CKAP5: variants seen among roughly 807,000 people sequenced by gnomAD.
CKAP5 encodes cytoskeleton associated protein 5.
In CKAP5, 27 loss-of-function variants were observed where a neutral mutation model predicts 232.8. The ratio of observed to expected loss-of-function variants is 0.12; its 90% CI spans 0.09 to 0.16. CKAP5 has a LOEUF of 0.16. Among genes scored for constraint, CKAP5 ranks in the 10% least tolerant of loss-of-function variants. CKAP5 has a pLI of 1.00. For synonymous variants in CKAP5, 785 were observed against 841.1 expected (o/e 0.93, Z 1.16); for missense variants, 1,838 against 2,424.7 (o/e 0.76, Z 5.08).
intron 23 of CKAP5, among the ~76,000 whole-genome samples, chr11:46,776,659 A>G (rs145551987): frequency 6.6e-6 from 1 of 152,356 alleles, no homozygotes; most frequent in African/African-American, 2.4e-5. Context: ...TGTAAGAAGA[A>G]TAACTCTTAT....
chr11:46,758,170 A>G (rs749984490), intron 35 of CKAP5, among the ~76,000 whole-genome samples: 83 of 152,088 alleles, frequency 5.5e-4, no homozygotes, highest in Admixed American at 2.0e-3. Context: ...TGCCTCTCAA[A>G]TCTCATTCTG....
chr11:46,793,659 A>G (rs1938795293), intron 13 of CKAP5, among the ~76,000 whole-genome samples: 1 of 152,254 alleles, frequency 6.6e-6, no homozygotes, highest in East Asian at 1.9e-4. Context: ...GCAGTGGCTC[A>G]TGCCTGTAAT....
chr11:46,773,689 C>T (rs1460432317), intron 24 of CKAP5, among the ~76,000 whole-genome samples: 5 of 151,726 alleles, frequency 3.3e-5, no homozygotes, highest in Admixed American at 1.3e-4. Context: ...ACTATAGGCC[C>T]GCACCACCAC....
At chr11:46,752,252 T>G (rs2065074788) in intron 38 of CKAP5, among the ~76,000 whole-genome samples, 1 of 142,046 alleles carries the variant, frequency 7.0e-6, no homozygotes, top group African/African-American at 2.6e-5. Flanking sequence ...TATACATATA[T>G]AACATATTAA....
intron 4 of CKAP5, among the ~76,000 whole-genome samples, chr11:46,811,477 C>A (rs531506727): frequency 6.6e-6 from 1 of 151,850 alleles, no homozygotes; most frequent in Non-Finnish European, 1.5e-5. Context: ...TGTTTAATAC[C>A]CTTTTTTTTT....
chr11:46,796,279 A>G (rs1170918171), intron 12 of CKAP5, among the ~76,000 whole-genome samples: 2 of 152,186 alleles, frequency 1.3e-5, no homozygotes, highest in Non-Finnish European at 2.9e-5. Context: ...TATTAATCTT[A>G]CATTTTATTT....
rs777548641 is a variant in CKAP5 at position 46,808,089 on chromosome 11, A to G, written c.920T>C (p.Ile307Thr). Residue 307 changes from isoleucine (I) to threonine (T), a missense_variant, in exon 8 of 44, where the codon ATA becomes ACA. Physicochemically the swap from Ile to Thr is moderately conservative, Grantham distance 89 (BLOSUM62 -1). Transcript: ENST00000529230. ...GCCAGCTTCCAGTTTGGGGTTTTTT[A>G]TTAGTACTTCTACAGACTCCAGGGC... is the stretch of plus-strand genomic sequence containing the variant. ...KEALESVEVL[I>T]KNPKLEAGDY... 6.2e-7 allele frequency: 1 copy of G among 1,613,976 alleles called. No homozygotes were observed. Among genetic ancestry groups the G allele is most frequent in the Admixed American group, 1.7e-5 (1 of 60,000 alleles).
chr11:46,805,910 C>A (rs1939143334), intron 8 of CKAP5, among the ~76,000 whole-genome samples: 1 of 152,096 alleles, frequency 6.6e-6, no homozygotes, highest in Admixed American at 6.5e-5. Flanking sequence ...GCACTCCAGC[C>A]TGGGCAACAA....
At position 46,799,163 on chromosome 11, in the gene CKAP5, AT is replaced by A. The variant is rs375825418; in HGVS notation, c.1084-992del. 0.012 allele frequency among the ~76,000 whole-genome samples: 1,693 copies of A among 147,160 alleles called. 66 individuals are homozygous for A. The South Asian group carries it at 0.15, about 13-fold the overall frequency. On this transcript the variant is annotated intron_variant, in intron 9 of 43. Transcript: ENST00000529230. ...TCAGGTATATGTCACCACACCTGCT[AT>A]TTTTTTTTTTAATTCTTAATTTCTT...
chr11:46,836,442 G>C (rs1939920276), intron 1 of CKAP5, among the ~76,000 whole-genome samples: 1 of 152,248 alleles, frequency 6.6e-6, no homozygotes, highest in African/African-American at 2.4e-5. Context: ...GTCAGGCACA[G>C]TGGCTCAAAC....
At chr11:46,752,554 GCTCCAATTC>G in intron 38 of CKAP5, 72 bp downstream of exon 38, 1 of 1,047,362 alleles carries the variant, frequency 9.5e-7, no homozygotes, top group African/African-American at 1.6e-5. Context: ...GTCTTTCTTA[GCTCCAATTC>G]CTCTTTCCCC....
chr11:46,769,583 C>A (rs1220714229), intron 26 of CKAP5, among the ~76,000 whole-genome samples: 1 of 151,900 alleles, frequency 6.6e-6, no homozygotes. Context: ...GTAGTCCCAG[C>A]AACTTGGGAG....
At chr11:46,793,597 A>C (rs1938793487) in intron 13 of CKAP5, among the ~76,000 whole-genome samples, 1 of 152,218 alleles carries the variant, frequency 6.6e-6, no homozygotes, top group South Asian at 2.1e-4. Flanking sequence ...ATTTTATTTC[A>C]TTATTTAATG....
At chr11:46,772,973 C>T (rs921674094) in intron 24 of CKAP5, among the ~76,000 whole-genome samples, 6 of 152,120 alleles carry the variant, frequency 3.9e-5, no homozygotes, top group African/African-American at 1.2e-4. Flanking sequence ...ATCTCTTGAC[C>T]TCGTGATCTG....
At chr11:46,752,161 C>CATATATATATATATATATAT (rs142364564) in intron 38 of CKAP5, among the ~76,000 whole-genome samples, 29 of 88,816 alleles carry the variant, frequency 3.3e-4, no homozygotes, top group Non-Finnish European at 5.3e-4. Context: ...AAGACCAATT[C>CATATATATATATATATATAT]ATATATATAT....
chr11:46,833,426 C>T (rs2867206), intron 1 of CKAP5, among the ~76,000 whole-genome samples: 23,664 of 151,610 alleles, frequency 0.16, 2,898 homozygotes, highest in African/African-American at 0.35. Flanking sequence ...TCATGGCAAA[C>T]ACCAAGCACT....
In CKAP5 at chr11:46,759,398, A is replaced by T; in HGVS notation, c.4439T>A (p.Val1480Asp). 1.2e-6 allele frequency: 2 copies of T among 1,614,146 alleles called. No homozygotes were observed. The highest frequency in any genetic ancestry group is 1.7e-6 in the Non-Finnish European group (2 of 1,180,016). The change falls in exon 34 of 44, where the codon GTC (valine) becomes GAC (aspartate). Residue 1480 changes from valine to aspartate, a missense_variant. By Grantham distance (152) the Val-to-Asp change is radical. Transcript: ENST00000529230. ...MSGHPEAAQM[V>D]RREFQLDLDE... ...TAGATCCAGCTGGAATTCTCGGCGGACCATCTGGGCTGCCTCAGGATGCCC... is the reference window on the plus strand; with the variant it reads ...TAGATCCAGCTGGAATTCTCGGCGGTCCATCTGGGCTGCCTCAGGATGCCC...
intron 1 of CKAP5, among the ~76,000 whole-genome samples, chr11:46,830,404 G>A (rs1054871065): frequency 1.5e-5 from 2 of 130,388 alleles, no homozygotes; most frequent in Non-Finnish European, 3.1e-5. Context: ...TGGCACCACC[G>A]CACTCCAGCC....
At chr11:46,835,517 G>T (rs562413924) in intron 1 of CKAP5, among the ~76,000 whole-genome samples, 4 of 151,976 alleles carry the variant, frequency 2.6e-5, no homozygotes, top group African/African-American at 9.7e-5. Flanking sequence ...GCATGTCAAA[G>T]GGACACAGGA....
Sources: gnomAD v4.1 joint callset for allele counts (sites outside exome capture counted in the v4.1 genomes callset) on GRCh38, gnomAD v4.1.1 for gene constraint, MANE v1.5 for transcripts, NCBI Gene and HGNC (gene_info 2026-07-23, HGNC 2026-07-21) for gene names.